ADAMTS20: variants seen among roughly 807,000 people sequenced by gnomAD.
ADAMTS20 encodes the protein ADAM metallopeptidase with thrombospondin type 1 motif 20.
ADAMTS20 carries 225 observed loss-of-function variants against 260.1 expected under a neutral mutation model. The ratio of observed to expected loss-of-function variants is 0.87; its 90% CI spans 0.78 to 0.97. ADAMTS20 has a LOEUF of 0.97. Ranked by LOEUF, ADAMTS20 falls within the 50% of genes least tolerant of loss-of-function variation. The pLI, the probability that ADAMTS20 is intolerant of heterozygous loss-of-function variation, is 0.00. For synonymous variants in ADAMTS20, 802 were observed against 769.5 expected (o/e 1.04, Z -0.70); for missense variants, 2,400 against 2,337.7 (o/e 1.03, Z -0.55).
At chr12:43,358,681 AC>A (rs1479179739) in intron 37 of ADAMTS20, among the ~76,000 whole-genome samples, 1 of 151,488 alleles carries the variant, frequency 6.6e-6, no homozygotes, top group Non-Finnish European at 1.5e-5. Flanking sequence ...TACTAAAAAT[AC>A]AAAAATTAGC....
chr12:43,450,592 C>T (rs1270228499), intron 14 of ADAMTS20, among the ~76,000 whole-genome samples: 1 of 152,064 alleles, frequency 6.6e-6, no homozygotes, highest in African/African-American at 2.4e-5. Flanking sequence ...ATCTCATTAG[C>T]TCTTTGGGTG....
At chr12:43,450,664 C>A (rs1941848242) in intron 14 of ADAMTS20, among the ~76,000 whole-genome samples, 1 of 152,024 alleles carries the variant, frequency 6.6e-6, no homozygotes, top group Non-Finnish European at 1.5e-5. Flanking sequence ...GAAGTTGGCC[C>A]TATAGAGCTC....
intron 37 of ADAMTS20, among the ~76,000 whole-genome samples, chr12:43,367,124 A>G (rs1408003794): frequency 6.6e-6 from 1 of 152,002 alleles, no homozygotes; most frequent in Non-Finnish European, 1.5e-5. Flanking sequence ...TCTACCAAAC[A>G]TATAAAGAAT....
Position 43,511,971 on chromosome 12 carries a change from G to T in ADAMTS20, c.614-9566C>A, listed in dbSNP as rs1942930315. On this transcript the variant is annotated intron_variant, in intron 3 of 38. Transcript: ENST00000389420. ...ATTGTGAAATCTCACATTTTCTTAT[G>T]ATTTAAATTGTTTTCTGGATCTATT... Among the ~76,000 whole-genome samples, 2 of 151,950 alleles carry T rather than the reference G, an allele frequency of 1.3e-5. 1 individual carries two copies. The highest frequency in any genetic ancestry group is 4.1e-4 in the South Asian group (2 of 4,820).
chr12:43,531,800 A>G (rs758949580), intron 3 of ADAMTS20, among the ~76,000 whole-genome samples: 1 of 152,166 alleles, frequency 6.6e-6, no homozygotes, highest in Non-Finnish European at 1.5e-5. Context: ...AAAAAGAAAA[A>G]TAAGTACATG....
At chr12:43,531,662 A>G (rs1300376523) in intron 3 of ADAMTS20, among the ~76,000 whole-genome samples, 1 of 152,144 alleles carries the variant, frequency 6.6e-6, no homozygotes, top group Admixed American at 6.6e-5. Flanking sequence ...ATGTTGTTCA[A>G]AGGGCATAAA....
intron 3 of ADAMTS20, among the ~76,000 whole-genome samples, chr12:43,503,531 T>C (rs1158216768): frequency 6.6e-6 from 1 of 152,148 alleles, no homozygotes; most frequent in Non-Finnish European, 1.5e-5. Context: ...TTTTAATTAA[T>C]ATAAAAAATT....
At chr12:43,442,538 A>G (rs1010812385) in intron 16 of ADAMTS20, among the ~76,000 whole-genome samples, 4 of 152,156 alleles carry the variant, frequency 2.6e-5, no homozygotes, top group Middle Eastern at 3.2e-3. Context: ...GATTACAGGC[A>G]TGAGCCACCA....
At chr12:43,353,070 T>C (rs1041457717), downstream of ADAMTS20, among the ~76,000 whole-genome samples, 1 of 151,652 alleles carries the variant, frequency 6.6e-6, no homozygotes, top group Non-Finnish European at 1.5e-5. Context: ...TTCCATTTGG[T>C]TTTTTTTGGT....
At chr12:43,405,680 C>T (rs2137261983) in intron 28 of ADAMTS20, among the ~76,000 whole-genome samples, 1 of 151,918 alleles carries the variant, frequency 6.6e-6, no homozygotes, top group East Asian at 1.9e-4. Context: ...CAAGAAAATA[C>T]AAAACTGAGT....
intron 3 of ADAMTS20, among the ~76,000 whole-genome samples, chr12:43,528,597 T>C (rs751261665): frequency 2.6e-5 from 4 of 151,902 alleles, no homozygotes; most frequent in Non-Finnish European, 5.9e-5. Context: ...GAGAGTTAGA[T>C]AGTCACCTGT....
chr12:43,444,376 A>T (rs1201334489), intron 15 of ADAMTS20, among the ~76,000 whole-genome samples: 1 of 152,066 alleles, frequency 6.6e-6, no homozygotes, highest in Non-Finnish European at 1.5e-5. Context: ...GAAAAATCAT[A>T]AAAAAAGAAA....
At chr12:43,417,989 C>A (rs1941162927) in intron 28 of ADAMTS20, among the ~76,000 whole-genome samples, 1 of 152,168 alleles carries the variant, frequency 6.6e-6, no homozygotes. Context: ...GGAGGAACTG[C>A]AACTACAACT....
At chr12:43,528,152 A>G (rs190733968) in intron 3 of ADAMTS20, among the ~76,000 whole-genome samples, 32 of 152,098 alleles carry the variant, frequency 2.1e-4, no homozygotes, top group African/African-American at 7.2e-4. Context: ...AAAGATCTCA[A>G]CAAGAACTAC....
chr12:43,449,870 A>C (rs926421073), intron 14 of ADAMTS20, among the ~76,000 whole-genome samples: 1 of 152,176 alleles, frequency 6.6e-6, no homozygotes, highest in Non-Finnish European at 1.5e-5. Flanking sequence ...GTATTTAAAA[A>C]GACAGTATCC....
intron 28 of ADAMTS20, among the ~76,000 whole-genome samples, chr12:43,411,069 A>T (rs181793524): frequency 1.5e-4 from 23 of 152,328 alleles, no homozygotes; most frequent in Admixed American, 1.4e-3. Context: ...GAATCACAAT[A>T]ATTTAACTCT....
intron 37 of ADAMTS20, among the ~76,000 whole-genome samples, chr12:43,363,579 CAGAGCTTCTTCCCAGGG>C (rs2080644888): frequency 6.6e-6 from 1 of 152,178 alleles, no homozygotes; most frequent in South Asian, 2.1e-4. Context: ...CACAGTATTG[CAGAGCTTCTTCCCAGGG>C]AGAGAATCAA....
intron 2 of ADAMTS20, among the ~76,000 whole-genome samples, chr12:43,545,400 G>A (rs1481084863): frequency 1.3e-5 from 2 of 152,178 alleles, no homozygotes. Flanking sequence ...CAGTCCACGA[G>A]AAGTCCTTGA....
At chr12:43,398,142 G>A (rs565974236) in intron 29 of ADAMTS20, among the ~76,000 whole-genome samples, 2 of 152,254 alleles carry the variant, frequency 1.3e-5, no homozygotes, top group African/African-American at 4.8e-5. Flanking sequence ...AGCTCTCTGA[G>A]GTACTACTGA....
Sources: allele counts gnomAD v4.1 joint callset (sites outside exome capture counted in the v4.1 genomes callset), GRCh38; gene constraint gnomAD v4.1.1; transcripts MANE v1.5; gene names NCBI Gene and HGNC (gene_info 2026-07-23, HGNC 2026-07-21).